VIT: variants seen among roughly 807,000 people sequenced by gnomAD.
VIT encodes the protein vitrin.
In VIT, 99 loss-of-function variants were observed where a neutral mutation model predicts 78.0. The observed-to-expected ratio is 1.27, with a 90% CI of 1.08 to 1.50. The LOEUF is 1.50. Ranked by LOEUF, VIT falls within the 40% of genes most tolerant of loss-of-function variation. The probability of loss-of-function intolerance (pLI) is 0.00; values close to 1 mark genes in which losing one functional copy is unlikely to be tolerated. For synonymous variants in VIT, 374 were observed against 334.3 expected, an observed-to-expected ratio of 1.12 and a Z score of -1.29; for missense variants, 1,126 against 875.3, an observed-to-expected ratio of 1.29 and a Z score of -3.61.
At chr2:36,732,529 T>C (rs1411441278) in intron 3 of VIT, among the ~76,000 whole-genome samples, 1 of 152,220 alleles carries the variant, frequency 6.6e-6, no homozygotes, top group Non-Finnish European at 1.5e-5. Flanking sequence ...CAAAGTCATT[T>C]TCTTTCTTTT....
At position 36,774,914 on chromosome 2, in the gene VIT, T is replaced by G. The variant is rs560977355; in HGVS notation, c.737-88T>G. 10 of 1,581,976 alleles carry G rather than the reference T, an allele frequency of 6.3e-6. No individual in the cohort carries two copies. In the South Asian group the frequency reaches 1.0e-4, roughly 16 times the overall value. Reference sequence around the variant, plus strand: ...GCCGACTTCCAAGGAAAATCTGAACTAAGGTAATTTTCACCGGGGGCAAAA... The same window carrying G: ...GCCGACTTCCAAGGAAAATCTGAACGAAGGTAATTTTCACCGGGGGCAAAA... On this transcript the variant is annotated intron_variant, in intron 8 of 15. Coordinates refer to ENST00000379242, the MANE Select transcript of VIT (RefSeq NM_053276.4).
Position 36,814,206 on chromosome 2 carries a change from G to T in VIT, c.1927G>T (p.Val643Phe). 3 of 1,614,194 alleles carry T rather than the reference G, an allele frequency of 1.9e-6. No homozygotes were observed. The highest frequency in any genetic ancestry group is 2.5e-6 in the Non-Finnish European group (3 of 1,180,042). The change falls in exon 16 of 16, where the codon GTT (valine) becomes TTT (phenylalanine). Residue 643 changes from valine (V) to phenylalanine (F), a missense_variant. Coordinates refer to ENST00000379242, the MANE Select transcript of VIT (RefSeq NM_053276.4). ...LKGVITYAIG[V>F]AWAAQEELEV... ...AGGAGTGATCACCTATGCGATAGGC[G>T]TTGCCTGGGCTGCCCAAGAGGAGCT... is the stretch of plus-strand genomic sequence containing the variant.
At chr2:36,759,220 G>A (rs1668963297) in intron 6 of VIT, 174 bp downstream of exon 6, 1 of 1,538,936 alleles carries the variant, frequency 6.5e-7, no homozygotes, top group African/African-American at 1.4e-5. Context: ...AGATGGCTGG[G>A]GCTGAAGAAT....
chr2:36,704,686 C>A (rs4670594), intron 1 of VIT, among the ~76,000 whole-genome samples: 5 of 152,134 alleles, frequency 3.3e-5, no homozygotes, highest in East Asian at 1.9e-4. Context: ...AGACACCATC[C>A]TCCACACCCT....
intron 4 of VIT, 78 bp from the exon 5 acceptor site, chr2:36,754,843 C>T (rs890626309): frequency 3.1e-5 from 46 of 1,492,736 alleles, no homozygotes; most frequent in Non-Finnish European, 3.8e-5. Flanking sequence ...ATAAAGATGG[C>T]GACTGGTTTT....
rs1665164553 is a variant in VIT at position 36,787,231 on chromosome 2, T to C, written c.1013T>C (p.Leu338Pro). 1 of 1,614,054 alleles carries C rather than the reference T, an allele frequency of 6.2e-7. No homozygotes were observed. Among genetic ancestry groups the C allele is most frequent in the Non-Finnish European group, 8.5e-7 (1 of 1,180,006 alleles). Residue 338 changes from leucine (L) to proline (P), a missense_variant, in exon 12 of 16, where the codon CTT becomes CCT. By Grantham distance (98) the Leu-to-Pro change is moderately conservative (BLOSUM62 -3). Coordinates refer to ENST00000379242, the MANE Select transcript of VIT (RefSeq NM_053276.4). ...KQLLADVAQALDIGPAGPLMG... is the reference protein window; with the variant it reads ...KQLLADVAQAPDIGPAGPLMG... ...CTCCTGGCTGATGTTGCCCAAGCTC[T>C]TGACATTGGCCCTGCCGGTCCACTG...
intron 8 of VIT, 164 bp from the exon 9 acceptor site, chr2:36,774,838 T>C: frequency 1.0e-6 from 1 of 985,374 alleles, no homozygotes; most frequent in Non-Finnish European, 1.2e-6. Context: ...TTGGCCAAGA[T>C]TTTTGCCTCC....
intron 1 of VIT, among the ~76,000 whole-genome samples, chr2:36,700,168 T>A (rs1185895807): frequency 6.6e-6 from 1 of 152,220 alleles, no homozygotes; most frequent in Non-Finnish European, 1.5e-5. Flanking sequence ...ATATAATCAT[T>A]AGAAACTAGT....
chr2:36,775,046 G>C lies in VIT; in HGVS notation c.781G>C (p.Val261Leu). 6.2e-7 allele frequency: 1 copy of C among 1,614,070 alleles called. No individual in the cohort carries two copies. Among genetic ancestry groups the C allele is most frequent in the Non-Finnish European group, 8.5e-7 (1 of 1,180,022 alleles). ...DPSGAAFQKP[V>L]GADVSLGEMD... ...TTCAGGAGCTGCCTTCCAGAAACCT[G>C]TTGGAGCGGATGTCAGCCTGGGTAA... Residue 261 changes from valine to leucine, a missense_variant, in exon 9 of 16, where the codon GTT (valine) becomes CTT (leucine). Coordinates refer to ENST00000379242, the MANE Select transcript of VIT (RefSeq NM_053276.4).
At chr2:36,771,525 C>CAAAAAAA (rs1228263784) in intron 7 of VIT, among the ~76,000 whole-genome samples, 1 of 66,110 alleles carries the variant, frequency 1.5e-5, no homozygotes, top group Non-Finnish European at 2.9e-5. Context: ...GACTTCATCT[C>CAAAAAAA]AAAAAAAAAA....
At chr2:36,752,097 T>C (rs940361605) in intron 4 of VIT, among the ~76,000 whole-genome samples, 4 of 152,204 alleles carry the variant, frequency 2.6e-5, no homozygotes, top group Non-Finnish European at 5.9e-5. Flanking sequence ...TTAATGTTCA[T>C]ATTCTATATC....
In VIT at chr2:36,814,231, T is replaced by C. The variant is rs772514244; in HGVS notation, c.1952T>C (p.Leu651Pro). Residue 651 changes from leucine (L) to proline (P), a missense_variant, in exon 16 of 16, where the codon CTA becomes CCA. Transcript: ENST00000379242. ...GTTGCCTGGGCTGCCCAAGAGGAGC[T>C]AGAAGTCATTGCCACTCACCCCGCC... ...IGVAWAAQEE[L>P]EVIATHPARD... The C allele has an allele frequency of 6.2e-7, 1 of 1,614,212 alleles. No individual in the cohort carries two copies.
At chr2:36,768,665 G>A (rs973869372) in intron 7 of VIT, among the ~76,000 whole-genome samples, 2 of 152,140 alleles carry the variant, frequency 1.3e-5, no homozygotes, top group Non-Finnish European at 2.9e-5. Context: ...TCAAACTCCA[G>A]CAGCCTGGCT....
intron 6 of VIT, among the ~76,000 whole-genome samples, chr2:36,761,648 G>A (rs555427212): frequency 6.6e-6 from 1 of 152,220 alleles, no homozygotes; most frequent in Admixed American, 6.5e-5. Context: ...GCTGAGGCAG[G>A]AGAATCACTT....
At chr2:36,761,026 C>T (rs1449644149) in intron 6 of VIT, among the ~76,000 whole-genome samples, 1 of 152,090 alleles carries the variant, frequency 6.6e-6, no homozygotes, top group Non-Finnish European at 1.5e-5. Flanking sequence ...ACTTCAGGGA[C>T]CACATGTCAA....
At chr2:36,764,181 A>G (rs1669286052) in intron 6 of VIT, among the ~76,000 whole-genome samples, 1 of 152,262 alleles carries the variant, frequency 6.6e-6, no homozygotes, top group Non-Finnish European at 1.5e-5. Context: ...ATTTGCAAGT[A>G]GAAGTTTTAT....
chr2:36,717,362 G>C (rs1394685165), intron 2 of VIT, among the ~76,000 whole-genome samples: 7 of 143,966 alleles, frequency 4.9e-5, no homozygotes, highest in Non-Finnish European at 7.7e-5. Flanking sequence ...GTGTGTGTGT[G>C]TGTGTGTGTG....
At chr2:36,714,454 T>C (rs1666000734) in intron 1 of VIT, among the ~76,000 whole-genome samples, 1 of 143,752 alleles carries the variant, frequency 7.0e-6, no homozygotes, top group Admixed American at 6.7e-5. Flanking sequence ...TTATCTCTTG[T>C]TTTTTTTTAA....
chr2:36,703,956 C>G (rs1265123237), intron 1 of VIT, among the ~76,000 whole-genome samples: 1 of 127,738 alleles, frequency 7.8e-6, no homozygotes, highest in African/African-American at 2.8e-5. Context: ...TTTGGAGACT[C>G]ACTCTGTCGC....
Sources: gnomAD v4.1 joint callset for allele counts (sites outside exome capture counted in the v4.1 genomes callset) on GRCh38, gnomAD v4.1.1 for gene constraint, MANE v1.5 for transcripts, NCBI Gene and HGNC (gene_info 2026-07-23, HGNC 2026-07-21) for gene names.